Variants in KLF13 observed in about 807,000 individuals in gnomAD.
KLF13 encodes Krueppel-like factor 13.
KLF13 carries 8 observed loss-of-function variants against 16.7 expected under a neutral mutation model. The observed-to-expected ratio is 0.48, with a 90% CI of 0.28 to 0.87. KLF13 has a LOEUF of 0.87. Ranked by LOEUF, KLF13 falls within the 40% of genes least tolerant of loss-of-function variation. The pLI is 0.10. For synonymous variants in KLF13, 245 were observed against 208.4 expected, an observed-to-expected ratio of 1.18 and a Z score of -1.51; for missense variants, 447 against 452.2, an observed-to-expected ratio of 0.99 and a Z score of 0.10.
intron 1 of KLF13, among the ~76,000 whole-genome samples, chr15:31,410,400 T>C (rs1419584377): frequency 6.6e-6 from 1 of 151,956 alleles, no homozygotes; most frequent in Admixed American, 6.6e-5. Context: ...AATCTATCAA[T>C]AATCAATTTA....
chr15:31,349,134 A>G (rs151167550), intron 1 of KLF13, among the ~76,000 whole-genome samples: 1 of 152,244 alleles, frequency 6.6e-6, no homozygotes, highest in African/African-American at 2.4e-5. Context: ...GCAGATGGCG[A>G]GGTAGGGTGG....
At chr15:31,388,996 T>C (rs1418307936), upstream of KLF13, among the ~76,000 whole-genome samples, 2 of 152,142 alleles carry the variant, frequency 1.3e-5, no homozygotes, top group African/African-American at 4.8e-5. Context: ...ACTGGCTTCC[T>C]AATATGAAAG....
downstream of KLF13, among the ~76,000 whole-genome samples, chr15:31,405,473 T>A (rs1244723102): frequency 6.6e-6 from 1 of 152,268 alleles, no homozygotes; most frequent in African/African-American, 2.4e-5. Flanking sequence ...TTCCAGTTTC[T>A]GGAACTGTGA....
In KLF13 at chr15:31,418,573, T is replaced by A. The variant is rs73368616; in HGVS notation, n.118-16797T>A. Among the ~76,000 whole-genome samples, 909 of 152,050 alleles carry A rather than the reference T, an allele frequency of 6.0e-3. 15 individuals are homozygous for A. The highest frequency in any genetic ancestry group is 0.021 in the African/African-American group (852 of 41,474). On this transcript the variant is annotated intron_variant and non_coding_transcript_variant, in intron 1 of 1. Transcript: ENST00000558225. Reference sequence around the variant, plus strand: ...ACTATCAATCCCACAAATAATAATATGAAAAGTAGAGGACATACTGAACAA... The same window carrying A: ...ACTATCAATCCCACAAATAATAATAAGAAAAGTAGAGGACATACTGAACAA...
In KLF13 at chr15:31,423,164, T is replaced by TACGTATGTATAC. The variant is rs371896440; in HGVS notation, n.118-12206_118-12205insACGTATGTATAC. ...GTATACGTATATATACGTATATATA[T>TACGTATGTATAC]GTATATATATACATATATACGTATA... On this transcript the variant is annotated intron_variant and non_coding_transcript_variant, in intron 1 of 1. Transcript: ENST00000558225. 2.0e-4 allele frequency among the ~76,000 whole-genome samples: 5 copies of TACGTATGTATAC among 25,372 alleles called. 1 individual carries two copies. The highest frequency in any genetic ancestry group is 1.4e-3 in the African/African-American group (4 of 2,802). The allele number at this position is 25,372 out of a possible 152,430, so 16.6% of individuals were successfully genotyped here. A position where few individuals can be genotyped will look rare whatever the true frequency, so the allele number is the denominator to read the frequency against.
chr15:31,374,347 G>A lies in KLF13; in HGVS notation c.*2048G>A, dbSNP rs1417175570. 2.0e-5 allele frequency: 3 copies of A among 152,436 alleles called. No homozygotes were observed. Among genetic ancestry groups the A allele is most frequent in the African/African-American group, 7.2e-5 (3 of 41,420 alleles). 9.4% of individuals were successfully genotyped at this position (152,436 alleles called of 1,614,324 possible). On this transcript the variant is annotated 3_prime_UTR_variant, in exon 2 of 2. Coordinates refer to ENST00000307145, the MANE Select transcript of KLF13 (RefSeq NM_015995.4). Reference sequence around the variant, plus strand: ...GGAGAGGGTCACCTCCACTCTGGTTGGATGCGGAGCTGGTCCCTCTGGCTG... The same window carrying A: ...GGAGAGGGTCACCTCCACTCTGGTTAGATGCGGAGCTGGTCCCTCTGGCTG...
downstream of KLF13, among the ~76,000 whole-genome samples, chr15:31,408,523 G>A (rs565886240): frequency 6.6e-6 from 1 of 152,334 alleles, no homozygotes; most frequent in African/African-American, 2.4e-5. Context: ...GTTATATAAT[G>A]AGAATAACCA....
intron 1 of KLF13, among the ~76,000 whole-genome samples, chr15:31,365,898 C>T (rs2039461429): frequency 6.6e-6 from 1 of 152,148 alleles, no homozygotes; most frequent in Admixed American, 6.5e-5. Context: ...CCCCTTCCGG[C>T]TGGCTCTCTG....
intron 1 of KLF13, among the ~76,000 whole-genome samples, chr15:31,369,350 G>A (rs150988109): frequency 6.6e-6 from 1 of 152,214 alleles, no homozygotes; most frequent in African/African-American, 2.4e-5. Context: ...GCCTGTGCTG[G>A]GATTACATTT....
At chr15:31,354,221 G>A (rs1254294224) in intron 1 of KLF13, among the ~76,000 whole-genome samples, 1 of 152,236 alleles carries the variant, frequency 6.6e-6, no homozygotes. Flanking sequence ...CCTGCCTGGG[G>A]CAGGGAGAGA....
At chr15:31,383,709 G>C (rs930546232) in intron 1 of KLF13, among the ~76,000 whole-genome samples, 1 of 152,062 alleles carries the variant, frequency 6.6e-6, no homozygotes, top group Non-Finnish European at 1.5e-5. Flanking sequence ...GACCATCCTG[G>C]CTAACACGGT....
intron 1 of KLF13, among the ~76,000 whole-genome samples, chr15:31,352,021 A>T (rs948638322): frequency 2.0e-5 from 3 of 152,062 alleles, no homozygotes; most frequent in African/African-American, 7.2e-5. Flanking sequence ...CAAAAAAAAA[A>T]AAGGGAGGCG....
chr15:31,368,817 A>C (rs2039514235), intron 1 of KLF13, among the ~76,000 whole-genome samples: 1 of 151,646 alleles, frequency 6.6e-6, no homozygotes, highest in African/African-American at 2.4e-5. Flanking sequence ...ACTCTATCTC[A>C]GATTAGATAG....
chr15:31,327,200 C>G lies in KLF13; in HGVS notation c.-13C>G. On this transcript the variant is annotated 5_prime_UTR_variant, in exon 1 of 2. Coordinates refer to ENST00000307145, the MANE Select transcript of KLF13 (RefSeq NM_015995.4). ...TCGCAGCAAGAGCACCGCCGCCGGC[C>G]CCAGCCCGCAGCATGGCAGCCGCCG... The G allele has an allele frequency of 3.8e-6, 5 of 1,330,612 alleles. No homozygotes were observed. The highest frequency in any genetic ancestry group is 4.8e-6 in the Non-Finnish European group (5 of 1,042,582). The allele number at this position is 1,330,612 out of a possible 1,614,324, so 82.4% of individuals were successfully genotyped here.
intron 1 of KLF13, among the ~76,000 whole-genome samples, chr15:31,368,226 G>A (rs183628522): frequency 3.9e-5 from 6 of 152,324 alleles, no homozygotes; most frequent in Admixed American, 2.0e-4. Context: ...CTGGCAGCAC[G>A]GAGCTTTTTC....
chr15:31,432,056 A>G (rs1039237889), intron 1 of KLF13, among the ~76,000 whole-genome samples: 1 of 152,176 alleles, frequency 6.6e-6, no homozygotes, highest in Non-Finnish European at 1.5e-5. Context: ...TAAGTTGAAC[A>G]TTTGCATTTT....
At chr15:31,336,485 G>A (rs2038932355) in intron 1 of KLF13, among the ~76,000 whole-genome samples, 1 of 152,178 alleles carries the variant, frequency 6.6e-6, no homozygotes, top group Non-Finnish European at 1.5e-5. Flanking sequence ...TATGTGCAGG[G>A]CCTGTGATAC....
chr15:31,351,087 G>A (rs2039208531), intron 1 of KLF13, among the ~76,000 whole-genome samples: 4 of 152,200 alleles, frequency 2.6e-5, no homozygotes, highest in Admixed American at 1.3e-4. Context: ...TTGGGCCAAG[G>A]CCTGGGAAAC....
At chr15:31,386,358 G>A (rs976137119) in intron 1 of KLF13, among the ~76,000 whole-genome samples, 1 of 152,160 alleles carries the variant, frequency 6.6e-6, no homozygotes, top group Non-Finnish European at 1.5e-5. Context: ...AATTAGCTGG[G>A]CGTGGTGGCG....
Sources: gnomAD v4.1 joint callset for allele counts (sites outside exome capture counted in the v4.1 genomes callset) on GRCh38, gnomAD v4.1.1 for gene constraint, MANE v1.5 for transcripts, NCBI Gene and HGNC (gene_info 2026-07-23, HGNC 2026-07-21) for gene names.